Variants in ST6GALNAC3 observed in about 807,000 individuals in gnomAD.
The protein encoded by ST6GALNAC3 is ST6 N-acetylgalactosaminide alpha-2,6-sialyltransferase 3, also known as alpha-N-acetylgalactosaminide alpha-2,6-sialyltransferase 3.
Under a neutral mutation model 32.7 loss-of-function variants are expected in ST6GALNAC3, and 25 were observed. The ratio of observed to expected loss-of-function variants is 0.76; its 90% CI spans 0.56 to 1.07. ST6GALNAC3 has a LOEUF of 1.07. Ranked by LOEUF, ST6GALNAC3 falls within the 50% of genes least tolerant of loss-of-function variation. ST6GALNAC3 has a pLI of 0.00. For synonymous variants in ST6GALNAC3, 129 were observed against 133.1 expected (o/e 0.97, Z 0.21); for missense variants, 355 against 382.4 (o/e 0.93, Z 0.60).
At chr1:76,280,056 ATTTG>A (rs988725455) in intron 1 of ST6GALNAC3, among the ~76,000 whole-genome samples, 1 of 149,768 alleles carries the variant, frequency 6.7e-6, no homozygotes, top group Admixed American at 6.7e-5. Context: ...TCGTTCTCTT[ATTTG>A]TTCTTTCCTT....
chr1:76,234,707 G>A (rs1656552673), intron 1 of ST6GALNAC3, among the ~76,000 whole-genome samples: 1 of 152,148 alleles, frequency 6.6e-6, no homozygotes. Flanking sequence ...ACATTTTGTT[G>A]TTGCTCTGAA....
intron 2 of ST6GALNAC3, among the ~76,000 whole-genome samples, chr1:76,335,431 AC>A (rs1198587298): frequency 2.1e-4 from 1 of 4,776 alleles, no homozygotes; most frequent in Non-Finnish European, 1.4e-3. Flanking sequence ...ATCACAGGGA[AC>A]ACACACACAC....
At chr1:76,300,587 G>A (rs1043416930) in intron 1 of ST6GALNAC3, among the ~76,000 whole-genome samples, 4 of 151,906 alleles carry the variant, frequency 2.6e-5, no homozygotes, top group African/African-American at 9.7e-5. Flanking sequence ...ACAGCTAAGT[G>A]CTAAGTTTAT....
At chr1:76,270,201 T>A (rs922171205) in intron 1 of ST6GALNAC3, among the ~76,000 whole-genome samples, 2 of 152,178 alleles carry the variant, frequency 1.3e-5, no homozygotes, top group African/African-American at 4.8e-5. Flanking sequence ...TATATTTACT[T>A]GACAAAATGA....
chr1:76,184,028 T>C (rs12089425), intron 1 of ST6GALNAC3, among the ~76,000 whole-genome samples: 29,577 of 151,592 alleles, frequency 0.2, 3,005 homozygotes, highest in African/African-American at 0.21. Context: ...CTTGCCACTT[T>C]TCTCTCTACT....
chr1:76,149,592 C>A (rs1339478677), intron 1 of ST6GALNAC3, among the ~76,000 whole-genome samples: 1 of 152,220 alleles, frequency 6.6e-6, no homozygotes. Context: ...TATCAGCTCA[C>A]ATAGCTGTCC....
chr1:76,568,517 G>A (rs758206777), intron 3 of ST6GALNAC3, among the ~76,000 whole-genome samples: 3 of 152,064 alleles, frequency 2.0e-5, no homozygotes, highest in Admixed American at 6.6e-5. Flanking sequence ...CTGTGTAGTC[G>A]AATTGCAATT....
At chr1:76,624,357 G>A (rs773806015) in intron 3 of ST6GALNAC3, among the ~76,000 whole-genome samples, 11 of 151,844 alleles carry the variant, frequency 7.2e-5, no homozygotes, top group Admixed American at 3.9e-4. Flanking sequence ...CTTTTCCTGT[G>A]CTAAAGAGAA....
At chr1:76,156,827 G>A (rs1651466301) in intron 1 of ST6GALNAC3, among the ~76,000 whole-genome samples, 1 of 152,158 alleles carries the variant, frequency 6.6e-6, no homozygotes, top group Non-Finnish European at 1.5e-5. Flanking sequence ...CGCCTCCCGG[G>A]TTCACGCCAT....
At chr1:76,560,984 G>A (rs1665212183) in intron 3 of ST6GALNAC3, among the ~76,000 whole-genome samples, 1 of 152,142 alleles carries the variant, frequency 6.6e-6, no homozygotes, top group Admixed American at 6.5e-5. Context: ...AAGAAAATCT[G>A]GTACTTATAC....
intron 3 of ST6GALNAC3, among the ~76,000 whole-genome samples, chr1:76,556,630 G>A (rs1664943427): frequency 6.6e-6 from 1 of 152,060 alleles, no homozygotes; most frequent in Non-Finnish European, 1.5e-5. Context: ...GGCTAATAAT[G>A]TTGAGCATCT....
At chr1:76,528,529 G>A (rs185004860) in intron 3 of ST6GALNAC3, among the ~76,000 whole-genome samples, 6 of 152,198 alleles carry the variant, frequency 3.9e-5, no homozygotes, top group African/African-American at 9.6e-5. Flanking sequence ...CTAACCAGAC[G>A]CATACATAGT....
chr1:76,381,168 T>TAA (rs71852050), intron 2 of ST6GALNAC3, among the ~76,000 whole-genome samples: 40 of 90,234 alleles, frequency 4.4e-4, no homozygotes, highest in Admixed American at 8.9e-4. Context: ...TTTGGGCTGC[T>TAA]AAAAAAAAAA....
intron 2 of ST6GALNAC3, among the ~76,000 whole-genome samples, chr1:76,378,355 A>G (rs1246491913): frequency 6.6e-6 from 1 of 152,058 alleles, no homozygotes; most frequent in African/African-American, 2.4e-5. Context: ...TTATATGTAA[A>G]TGATTCTAAA....
chr1:76,357,159 G>A (rs1411094821), intron 2 of ST6GALNAC3, among the ~76,000 whole-genome samples: 2 of 55,620 alleles, frequency 3.6e-5, no homozygotes, highest in Non-Finnish European at 6.7e-5. Flanking sequence ...TTTTGAGACC[G>A]AGTCTTACTC....
chr1:76,486,195 AT>A (rs1358046416), intron 3 of ST6GALNAC3, among the ~76,000 whole-genome samples: 1 of 152,164 alleles, frequency 6.6e-6, no homozygotes, highest in Non-Finnish European at 1.5e-5. Flanking sequence ...AAGAATGTAT[AT>A]TTTGTTGATT....
rs1660697790 is a variant in ST6GALNAC3 at position 76,494,464 on chromosome 1, T to TGC, written c.623+82047_623+82048insGC. On this transcript the variant is annotated intron_variant, in intron 3 of 4. Coordinates refer to ENST00000328299, the MANE Select transcript of ST6GALNAC3 (RefSeq NM_152996.4). Reference sequence around the variant, plus strand: ...ATATATATATATATATATATATATATATATACACACACACACACACACTTT... The same window carrying TGC: ...ATATATATATATATATATATATATATGCATATACACACACACACACACACTTT... Among the ~76,000 whole-genome samples the TGC allele has an allele frequency of 2.7e-5, 2 of 73,258 alleles. 1 individual carries two copies. The highest frequency in any genetic ancestry group is 3.0e-4 in the Admixed American group (2 of 6,584). The allele number at this position is 73,258 out of a possible 152,430, so 48.1% of individuals were successfully genotyped here. A position where few individuals can be genotyped will look rare whatever the true frequency, so the allele number is the denominator to read the frequency against.
chr1:76,344,858 G>T (rs915559745), intron 2 of ST6GALNAC3, among the ~76,000 whole-genome samples: 6 of 152,254 alleles, frequency 3.9e-5, no homozygotes, highest in African/African-American at 1.4e-4. Flanking sequence ...ACGTTATGAG[G>T]TAGGAGAAGG....
chr1:76,398,707 A>G (rs774262460), intron 2 of ST6GALNAC3, among the ~76,000 whole-genome samples: 3 of 152,324 alleles, frequency 2.0e-5, no homozygotes, highest in Non-Finnish European at 2.9e-5. Context: ...ATTGGTACAC[A>G]AAAAGAATAC....
Sources: gnomAD v4.1 joint callset for allele counts (sites outside exome capture counted in the v4.1 genomes callset) on GRCh38, gnomAD v4.1.1 for gene constraint, MANE v1.5 for transcripts, NCBI Gene and HGNC (gene_info 2026-07-23, HGNC 2026-07-21) for gene names.